SORCS2: variants seen among roughly 807,000 people sequenced by gnomAD.
SORCS2 encodes the protein VPS10 domain-containing receptor SorCS2.
In SORCS2, 100 loss-of-function variants were observed where a neutral mutation model predicts 141.6. The observed-to-expected ratio is 0.71, with a 90% CI of 0.60 to 0.83. The LOEUF is 0.83. Among genes scored for constraint, SORCS2 ranks in the 40% least tolerant of loss-of-function variants. SORCS2 has a pLI of 0.00. For missense variants in SORCS2, 1,646 were observed against 1,560.2 expected (o/e 1.05, Z -0.93); for synonymous variants, 789 against 676.9 (o/e 1.17, Z -2.57).
chr4:7,462,494 G>A (rs1016393005), intron 2 of SORCS2, among the ~76,000 whole-genome samples: 1 of 152,106 alleles, frequency 6.6e-6, no homozygotes, highest in African/African-American at 2.4e-5. Flanking sequence ...ATAAAAGCAG[G>A]CAGTGCCCTC....
chr4:7,676,365 A>G, intron 9 of SORCS2, 136 bp downstream of exon 9: 1 of 898,546 alleles, frequency 1.1e-6, no homozygotes, highest in Non-Finnish European at 1.7e-6. Context: ...TCTTCTGTAC[A>G]CAGCCAAATA....
intron 17 of SORCS2, among the ~76,000 whole-genome samples, chr4:7,716,028 G>T (rs1007760437): frequency 6.6e-6 from 1 of 152,244 alleles, no homozygotes; most frequent in African/African-American, 2.4e-5. Flanking sequence ...AAGCAGTTAC[G>T]ATGCTTTTCC....
At chr4:7,351,515 C>T (rs1468074857) in intron 1 of SORCS2, among the ~76,000 whole-genome samples, 1 of 152,160 alleles carries the variant, frequency 6.6e-6, no homozygotes, top group East Asian at 1.9e-4. Context: ...CCATCTGTCT[C>T]TTGTTAAATG....
chr4:7,597,157 AG>A (rs1481676048), intron 3 of SORCS2, among the ~76,000 whole-genome samples: 2 of 130,442 alleles, frequency 1.5e-5, no homozygotes, highest in Non-Finnish European at 3.2e-5. Context: ...CCAATAGGGG[AG>A]GGGGTTATGG....
At chr4:7,275,955 A>G (rs1715471051) in intron 1 of SORCS2, among the ~76,000 whole-genome samples, 1 of 152,200 alleles carries the variant, frequency 6.6e-6, no homozygotes, top group Non-Finnish European at 1.5e-5. Flanking sequence ...GCATCCAGGC[A>G]AGTGCCTGGA....
intron 1 of SORCS2, among the ~76,000 whole-genome samples, chr4:7,218,976 G>A (rs985705971): frequency 4.7e-5 from 7 of 148,752 alleles, no homozygotes; most frequent in African/African-American, 1.5e-4. Context: ...CTGTGTTCTT[G>A]TAGCTTCTGG....
chr4:7,398,998 C>A (rs902190371), intron 2 of SORCS2, among the ~76,000 whole-genome samples: 1 of 152,216 alleles, frequency 6.6e-6, no homozygotes, highest in Admixed American at 6.5e-5. Flanking sequence ...TTTTCTAACT[C>A]CTGCTCATTT....
chr4:7,386,278 G>A (rs1269569995), intron 1 of SORCS2, among the ~76,000 whole-genome samples: 1 of 59,328 alleles, frequency 1.7e-5, no homozygotes, highest in East Asian at 6.1e-4. Context: ...AGATACACAC[G>A]CACATGCACA....
intron 15 of SORCS2, 142 bp from the exon 16 acceptor site, chr4:7,714,094 GTCAC>G: frequency 8.3e-7 from 1 of 1,205,014 alleles, no homozygotes; most frequent in South Asian, 1.6e-5. Flanking sequence ...CTGCAGACAT[GTCAC>G]GCCCCATTAT....
intron 2 of SORCS2, among the ~76,000 whole-genome samples, chr4:7,404,579 A>C (rs1178611247): frequency 1.3e-5 from 2 of 152,034 alleles, no homozygotes; most frequent in South Asian, 2.1e-4. Flanking sequence ...TTGTGGATCT[A>C]ATTTGCATTT....
chr4:7,416,382 A>G (rs1345361474), intron 2 of SORCS2, among the ~76,000 whole-genome samples: 1 of 152,156 alleles, frequency 6.6e-6, no homozygotes, highest in Non-Finnish European at 1.5e-5. Flanking sequence ...GCAAAGTCCA[A>G]GCATGTGTGT....
intron 1 of SORCS2, among the ~76,000 whole-genome samples, chr4:7,267,568 T>C (rs537195453): frequency 2.3e-4 from 35 of 152,312 alleles, no homozygotes; most frequent in African/African-American, 6.5e-4. Context: ...CCGTGGCTCA[T>C]GTCTGTAGTC....
At chr4:7,524,499 C>T (rs1211214499) in intron 2 of SORCS2, among the ~76,000 whole-genome samples, 4 of 152,094 alleles carry the variant, frequency 2.6e-5, no homozygotes, top group Non-Finnish European at 5.9e-5. Context: ...CAGCGCCCCT[C>T]TAGAATTGCC....
At chr4:7,658,929 A>G (rs1185919525) in intron 5 of SORCS2, among the ~76,000 whole-genome samples, 1 of 152,202 alleles carries the variant, frequency 6.6e-6, no homozygotes, top group East Asian at 1.9e-4. Flanking sequence ...TCCTGCCCCC[A>G]ACGCTGAGTG....
intron 1 of SORCS2, among the ~76,000 whole-genome samples, chr4:7,288,550 C>T (rs988392172): frequency 4.5e-4 from 10 of 22,060 alleles, no homozygotes; most frequent in African/African-American, 1.4e-3. Context: ...CTCCCAGGGG[C>T]GGGGGGCGGG....
At chr4:7,375,581 C>G (rs1722587100) in intron 1 of SORCS2, among the ~76,000 whole-genome samples, 1 of 152,236 alleles carries the variant, frequency 6.6e-6, no homozygotes, top group African/African-American at 2.4e-5. Flanking sequence ...GATTGCACTT[C>G]CTCGATTGCA....
At chr4:7,697,417 G>A (rs1724782997) in intron 12 of SORCS2, 143 bp downstream of exon 12, 2 of 758,402 alleles carry the variant, frequency 2.6e-6, no homozygotes, top group Admixed American at 5.7e-5. Context: ...CAGCCAAAGT[G>A]GCTGGAGCCA....
chr4:7,672,236 C>A (rs1253120986), intron 8 of SORCS2, among the ~76,000 whole-genome samples: 2 of 152,148 alleles, frequency 1.3e-5, no homozygotes, highest in African/African-American at 4.8e-5. Flanking sequence ...ATCCACCATG[C>A]CTGGCAAAAA....
At chr4:7,569,397 A>G (rs1295360942) in intron 3 of SORCS2, among the ~76,000 whole-genome samples, 1 of 152,194 alleles carries the variant, frequency 6.6e-6, no homozygotes, top group African/African-American at 2.4e-5. Context: ...CTGTAATCCC[A>G]GCTACTTGGG....
Sources: allele counts gnomAD v4.1 joint callset (sites outside exome capture counted in the v4.1 genomes callset), GRCh38; gene constraint gnomAD v4.1.1; transcripts MANE v1.5; gene names NCBI Gene and HGNC (gene_info 2026-07-23, HGNC 2026-07-21).